The following MAML2 variants were observed in gnomAD, a reference collection of about 807,000 sequenced individuals.
MAML2 encodes the protein mastermind-like protein 2.
Under a neutral mutation model 96.1 loss-of-function variants are expected in MAML2, and 22 were observed. The ratio of observed to expected loss-of-function variants is 0.23; its 90% CI spans 0.16 to 0.33. The LOEUF (loss-of-function observed/expected upper bound fraction) is 0.33. Among genes scored for constraint, MAML2 ranks in the 10% least tolerant of loss-of-function variants. The pLI is 1.00. For missense variants in MAML2, 1,367 were observed against 1,392.4 expected, an observed-to-expected ratio of 0.98 and a Z score of 0.29; for synonymous variants, 561 against 521.3, an observed-to-expected ratio of 1.08 and a Z score of -1.04.
chr11:96,063,572 C>T (rs556537706), intron 2 of MAML2, among the ~76,000 whole-genome samples: 2 of 152,174 alleles, frequency 1.3e-5, no homozygotes, highest in Admixed American at 1.3e-4. Context: ...TCACAGTAGT[C>T]CCATTATTAC....
intron 2 of MAML2, among the ~76,000 whole-genome samples, chr11:96,011,385 C>T (rs1858263161): frequency 6.6e-6 from 1 of 152,078 alleles, no homozygotes; most frequent in Middle Eastern, 3.2e-3. Context: ...TACTACATAG[C>T]CATAAAAAAG....
At chr11:96,005,805 A>T (rs1382309889) in intron 2 of MAML2, among the ~76,000 whole-genome samples, 1 of 152,232 alleles carries the variant, frequency 6.6e-6, no homozygotes, top group African/African-American at 2.4e-5. Flanking sequence ...TAATACTATA[A>T]AAAGAATACA....
chr11:96,269,911 G>A (rs1032840651), intron 1 of MAML2, among the ~76,000 whole-genome samples: 1 of 143,884 alleles, frequency 7.0e-6, no homozygotes, highest in South Asian at 2.2e-4. Flanking sequence ...ACCTCTAAAC[G>A]TTGGGAGCCC....
chr11:96,264,634 C>G (rs1054880834), intron 1 of MAML2, among the ~76,000 whole-genome samples: 1 of 152,158 alleles, frequency 6.6e-6, no homozygotes, highest in Non-Finnish European at 1.5e-5. Flanking sequence ...TCCTCATCCA[C>G]TCTACCGTAC....
At chr11:96,005,670 G>A (rs1277656303) in intron 2 of MAML2, among the ~76,000 whole-genome samples, 4 of 152,202 alleles carry the variant, frequency 2.6e-5, no homozygotes, top group African/African-American at 9.7e-5. Context: ...GAATGGAAAT[G>A]TTGAATAAAT....
chr11:95,994,043 A>G (rs1248642628), intron 2 of MAML2, among the ~76,000 whole-genome samples: 1 of 152,190 alleles, frequency 6.6e-6, no homozygotes, highest in Non-Finnish European at 1.5e-5. Context: ...TCTAGTTCTC[A>G]ATCAGTACAC....
intron 1 of MAML2, among the ~76,000 whole-genome samples, chr11:96,189,332 C>T (rs1861620376): frequency 6.6e-6 from 1 of 152,032 alleles, no homozygotes; most frequent in South Asian, 2.1e-4. Flanking sequence ...AATTTACTTC[C>T]TAGGAAATCT....
chr11:96,320,895 C>T (rs1863691022), intron 1 of MAML2, among the ~76,000 whole-genome samples: 1 of 152,152 alleles, frequency 6.6e-6, no homozygotes, highest in Non-Finnish European at 1.5e-5. Context: ...TTCAAGAGCA[C>T]ATCCAGTTGG....
chr11:96,332,983 C>G (rs889308390), intron 1 of MAML2, among the ~76,000 whole-genome samples: 12 of 152,310 alleles, frequency 7.9e-5, no homozygotes, highest in African/African-American at 2.9e-4. Flanking sequence ...TTGTAGCCGA[C>G]TTTTGCCTTA....
At chr11:96,205,064 G>A (rs575001286) in intron 1 of MAML2, among the ~76,000 whole-genome samples, 20 of 152,192 alleles carry the variant, frequency 1.3e-4, no homozygotes, top group Admixed American at 8.5e-4. Context: ...CTTTCCTGGC[G>A]TAATTTCTTT....
At chr11:96,055,148 T>C (rs1016159119) in intron 2 of MAML2, among the ~76,000 whole-genome samples, 2 of 152,330 alleles carry the variant, frequency 1.3e-5, no homozygotes, top group Admixed American at 1.3e-4. Context: ...ATTTAGTACC[T>C]AGAAAAGGTT....
intron 2 of MAML2, among the ~76,000 whole-genome samples, chr11:96,066,506 A>G (rs1466696461): frequency 6.6e-6 from 1 of 152,202 alleles, no homozygotes; most frequent in Non-Finnish European, 1.5e-5. Context: ...TGAGCTACCT[A>G]TATTTAGACA....
chr11:96,153,281 T>C (rs1453448767), intron 1 of MAML2, among the ~76,000 whole-genome samples: 3 of 151,962 alleles, frequency 2.0e-5, no homozygotes, highest in African/African-American at 4.8e-5. Flanking sequence ...ACATCAAGAC[T>C]TGTAGTGGTA....
intron 1 of MAML2, among the ~76,000 whole-genome samples, chr11:96,133,300 C>A (rs904317446): frequency 6.6e-6 from 1 of 152,082 alleles, no homozygotes. Context: ...TGTTGAATGC[C>A]ATTTGGGAGA....
intron 2 of MAML2, among the ~76,000 whole-genome samples, chr11:96,029,089 T>A (rs1242567933): frequency 6.6e-6 from 1 of 151,862 alleles, no homozygotes; most frequent in African/African-American, 2.4e-5. Flanking sequence ...GTGGATCAAT[T>A]CCTCATTTCA....
intron 2 of MAML2, among the ~76,000 whole-genome samples, chr11:96,023,353 A>G (rs537603392): frequency 1.3e-5 from 2 of 151,924 alleles, no homozygotes; most frequent in South Asian, 4.2e-4. Context: ...CCTCTGGAGG[A>G]CCTCCTTTTT....
chr11:96,056,706 G>A (rs1386095294), intron 2 of MAML2, among the ~76,000 whole-genome samples: 2 of 152,188 alleles, frequency 1.3e-5, no homozygotes, highest in Admixed American at 6.5e-5. Flanking sequence ...GGCTTCCAGA[G>A]AAATACACTT....
chr11:96,033,977 G>A (rs1431308058), intron 2 of MAML2, among the ~76,000 whole-genome samples: 2 of 152,116 alleles, frequency 1.3e-5, no homozygotes, highest in South Asian at 4.1e-4. Flanking sequence ...ACTTTACAAA[G>A]GGTTTTAAGG....
chr11:95,984,763 G>T (rs573166165), intron 4 of MAML2, among the ~76,000 whole-genome samples: 1 of 152,270 alleles, frequency 6.6e-6, no homozygotes, highest in South Asian at 2.1e-4. Context: ...GACAGATGAA[G>T]GTAACAGGTA....
Sources: allele counts gnomAD v4.1 joint callset (sites outside exome capture counted in the v4.1 genomes callset), GRCh38; gene constraint gnomAD v4.1.1; transcripts MANE v1.5; gene names NCBI Gene and HGNC (gene_info 2026-07-23, HGNC 2026-07-21).